Variants in GPSM2 observed in about 807,000 individuals in gnomAD.
GPSM2 encodes G protein-signaling modulator 2.
Under a neutral mutation model 78.4 loss-of-function variants are expected in GPSM2, and 58 were observed. That is an observed-to-expected ratio of 0.74 (90% CI 0.60 to 0.92). The LOEUF (loss-of-function observed/expected upper bound fraction) is 0.92. Among genes scored for constraint, GPSM2 ranks in the 40% least tolerant of loss-of-function variants. The probability of loss-of-function intolerance (pLI) is 0.00; values close to 1 mark genes in which losing one functional copy is unlikely to be tolerated. For synonymous variants in GPSM2, 224 were observed against 280.2 expected (o/e 0.80, Z 2.00); for missense variants, 700 against 815.5 (o/e 0.86, Z 1.73).
chr1:108,907,626 T>C (rs764313369), intron 10 of GPSM2, among the ~76,000 whole-genome samples: 17 of 152,134 alleles, frequency 1.1e-4, no homozygotes, highest in Non-Finnish European at 2.1e-4. Context: ...ATAACAAAAA[T>C]GTTAGGTAGA....
At chr1:108,882,451 A>G (rs1665946790) in intron 1 of GPSM2, 1 of 152,168 alleles carries the variant, frequency 6.6e-6, no homozygotes, top group Admixed American at 6.6e-5. Context: ...TGCTATGTAA[A>G]TAGTTGTTAT....
At chr1:108,906,287 G>T (rs189330985) in intron 10 of GPSM2, among the ~76,000 whole-genome samples, 1 of 151,328 alleles carries the variant, frequency 6.6e-6, no homozygotes, top group African/African-American at 2.4e-5. Flanking sequence ...TCTGTTGCCC[G>T]AGCTGGTCTC....
chr1:108,896,539 T>C (rs1035185546), intron 2 of GPSM2, among the ~76,000 whole-genome samples: 1 of 152,208 alleles, frequency 6.6e-6, no homozygotes, highest in South Asian at 2.1e-4. Context: ...CAGAGGTCTG[T>C]TACAACTCAG....
In GPSM2 at chr1:108,932,631, T is replaced by G. The variant is rs1329413440; in HGVS notation, c.*2691T>G. The G allele has an allele frequency of 6.6e-6, 1 of 152,256 alleles. No individual in the cohort carries two copies. 9.4% of individuals were successfully genotyped at this position (152,256 alleles called of 1,614,324 possible). On this transcript the variant is annotated 3_prime_UTR_variant, in exon 15 of 15. Coordinates refer to ENST00000264126, the MANE Select transcript of GPSM2 (RefSeq NM_013296.5). Reference sequence around the variant, plus strand: ...ACAGTCTATCACCTGGGGCATTCACTACTTTTCAGAGTCAGATCACAGTTC... The same window carrying G: ...ACAGTCTATCACCTGGGGCATTCACGACTTTTCAGAGTCAGATCACAGTTC...
rs1553218915 is a variant in GPSM2, at chr1:108,931,726, G to GTC, written c.*1787_*1788insCT. 8 of 384,582 alleles carry GTC rather than the reference G, an allele frequency of 2.1e-5. No individual in the cohort carries two copies. Among genetic ancestry groups the GTC allele is most frequent in the Non-Finnish European group, 3.3e-5 (8 of 242,690 alleles). The allele number at this position is 384,582 out of a possible 1,614,324, so 23.8% of individuals were successfully genotyped here. On this transcript the variant is annotated 3_prime_UTR_variant, in exon 15 of 15. Coordinates refer to ENST00000264126, the MANE Select transcript of GPSM2 (RefSeq NM_013296.5). ...CCTGGATAGCATTTTAAAAACTCAG[G>GTC]TAAGTTTCATGGGGTTCTTATAAGA...
intron 2 of GPSM2, among the ~76,000 whole-genome samples, chr1:108,885,947 T>C (rs1360349512): frequency 6.6e-6 from 1 of 152,190 alleles, no homozygotes; most frequent in East Asian, 1.9e-4. Flanking sequence ...TAATTTAATG[T>C]GATCTTTTAG....
intron 10 of GPSM2, among the ~76,000 whole-genome samples, chr1:108,908,980 A>T (rs114521875): frequency 0.024 from 3,633 of 150,808 alleles, 140 homozygotes; most frequent in African/African-American, 0.084. Flanking sequence ...TCTCCAAAAA[A>T]TTTTTTTAAT....
At chr1:108,922,737 T>C (rs1650819169) in intron 13 of GPSM2, among the ~76,000 whole-genome samples, 161 bp downstream of exon 13, 1 of 152,216 alleles carries the variant, frequency 6.6e-6, no homozygotes, top group African/African-American at 2.4e-5. Context: ...CAAGGTTTTT[T>C]CAGTTCCCTT....
Position 108,929,991 on chromosome 1 carries a change from A to T in GPSM2, c.*51A>T. On this transcript the variant is annotated 3_prime_UTR_variant, in exon 15 of 15. Transcript: ENST00000264126. Reference sequence around the variant, plus strand: ...TTCAAACACGGTAAGGAAACAATCTATTACTTTTTTCCTTAAAAGGAGAAT... The same window carrying T: ...TTCAAACACGGTAAGGAAACAATCTTTTACTTTTTTCCTTAAAAGGAGAAT... 6.5e-7 allele frequency: 1 copy of T among 1,538,798 alleles called. No homozygotes were observed. The highest frequency in any genetic ancestry group is 8.9e-7 in the Non-Finnish European group (1 of 1,117,786).
intron 11 of GPSM2, among the ~76,000 whole-genome samples, chr1:108,916,447 T>G (rs1650238410): frequency 6.6e-6 from 1 of 152,208 alleles, no homozygotes; most frequent in Admixed American, 6.5e-5. Context: ...ACAGAGTTAT[T>G]TGGAAACTCT....
chr1:108,909,829 G>A (rs1649562424), intron 10 of GPSM2: 1 of 146,772 alleles, frequency 6.8e-6, no homozygotes, highest in Non-Finnish European at 1.5e-5. Context: ...CTTAAACCCA[G>A]GAGGCGGAGG....
At chr1:108,924,326 T>C (rs1281405130) in intron 14 of GPSM2, 112 bp downstream of exon 14, 1 of 754,402 alleles carries the variant, frequency 1.3e-6, no homozygotes, top group Admixed American at 2.0e-5. Flanking sequence ...AGAGTTATTA[T>C]TGTCCATCAT....
At position 108,928,276 on chromosome 1, in the gene GPSM2, A is replaced by G. The variant is rs1348782450; in HGVS notation, c.1816-1425A>G. On this transcript the variant is annotated intron_variant, in intron 14 of 14. Transcript: ENST00000264126. ...ATTTCTATAGAGATAACAAGAGGCTAGAATATGACCATGGGAGCCAAATGG... is the reference window on the plus strand; with the variant it reads ...ATTTCTATAGAGATAACAAGAGGCTGGAATATGACCATGGGAGCCAAATGG... Among the ~76,000 whole-genome samples, 5 of 152,394 alleles carry G rather than the reference A, an allele frequency of 3.3e-5. No homozygotes were observed. In the East Asian group the frequency reaches 9.6e-4, roughly 29 times the overall value.
At chr1:108,919,704 CAAAAA>C (rs1321723548) in intron 12 of GPSM2, among the ~76,000 whole-genome samples, 1 of 150,108 alleles carries the variant, frequency 6.7e-6, no homozygotes, top group East Asian at 2.0e-4. Flanking sequence ...GACCCTGTCT[CAAAAA>C]AAAGAGAAAA....
At chr1:108,922,363 C>A in intron 12 of GPSM2, 54 bp from the exon 13 acceptor site, 1 of 1,283,556 alleles carries the variant, frequency 7.8e-7, no homozygotes, top group Non-Finnish European at 1.1e-6. Flanking sequence ...CATTGATGAT[C>A]TAAAGATAAT....
rs1647453853 is a variant in GPSM2, at chr1:108,885,415, C to A, written c.-108C>A. ...AGCTTAGGATGTATTAACACCAACT[C>A]ATTAATATACTAACCGGACAATGTT... On this transcript the variant is annotated 5_prime_UTR_variant, in exon 2 of 15. Coordinates refer to ENST00000264126, the MANE Select transcript of GPSM2 (RefSeq NM_013296.5). 4 of 679,436 alleles carry A rather than the reference C, an allele frequency of 5.9e-6. No individual in the cohort carries two copies. The Admixed American group carries it at 9.0e-5, about 15-fold the overall frequency. 42.1% of individuals were successfully genotyped at this position (679,436 alleles called of 1,614,324 possible). A position where few individuals can be genotyped will look rare whatever the true frequency, so the allele number is the denominator to read the frequency against.
intron 12 of GPSM2, among the ~76,000 whole-genome samples, chr1:108,920,363 G>A (rs1446167404): frequency 6.6e-6 from 1 of 151,748 alleles, no homozygotes; most frequent in Non-Finnish European, 1.5e-5. Flanking sequence ...CAGCTACTCG[G>A]GAGGCTGAGG....
intron 14 of GPSM2, chr1:108,924,434 C>A: frequency 1.7e-6 from 1 of 593,164 alleles, no homozygotes; most frequent in South Asian, 1.9e-5. Context: ...TTAGGAGAGA[C>A]GTGTGTGTGT....
intron 2 of GPSM2, among the ~76,000 whole-genome samples, chr1:108,891,648 C>G (rs1647976869): frequency 6.6e-6 from 1 of 150,738 alleles, no homozygotes; most frequent in African/African-American, 2.5e-5. Context: ...CAGGTGCATG[C>G]CACCACAGCC....
Sources: allele counts gnomAD v4.1 joint callset (sites outside exome capture counted in the v4.1 genomes callset), GRCh38; gene constraint gnomAD v4.1.1; transcripts MANE v1.5; gene names NCBI Gene and HGNC (gene_info 2026-07-23, HGNC 2026-07-21).